The following FCRLA variants were observed in gnomAD, a reference collection of about 807,000 sequenced individuals.
The protein encoded by FCRLA is Fc receptor like A.
A neutral mutation model predicts 28.4 loss-of-function variants in FCRLA; 26 were observed. That is an observed-to-expected ratio of 0.91 (90% CI 0.67 to 1.27). The LOEUF (loss-of-function observed/expected upper bound fraction) is 1.27. FCRLA is among the 50% of genes most tolerant of loss of function. The pLI, the probability that FCRLA is intolerant of heterozygous loss-of-function variation, is 0.00. For missense variants in FCRLA, 422 were observed against 433.1 expected (o/e 0.97, Z 0.23); for synonymous variants, 174 against 168.5 (o/e 1.03, Z -0.25).
At chr1:161,708,637 C>A (rs1051101517) in intron 1 of FCRLA, among the ~76,000 whole-genome samples, 1 of 152,166 alleles carries the variant, frequency 6.6e-6, no homozygotes, top group Non-Finnish European at 1.5e-5. Context: ...CAGACTCTTG[C>A]CTGTCTCTAA....
chr1:161,708,663 A>C (rs760863231), intron 1 of FCRLA, among the ~76,000 whole-genome samples: 11 of 152,036 alleles, frequency 7.2e-5, no homozygotes, highest in Non-Finnish European at 1.3e-4. Flanking sequence ...TGCTTATACC[A>C]CTATCTCTAC....
At chr1:161,711,570 C>G in intron 3 of FCRLA, 96 bp downstream of exon 3, 4 of 1,456,564 alleles carry the variant, frequency 2.7e-6, no homozygotes, top group Non-Finnish European at 3.7e-6. Context: ...GCAAGATCAT[C>G]AACAGACTAT....
At chr1:161,712,352 T>C (rs772368768) in intron 4 of FCRLA, 134 bp downstream of exon 4, 72 of 1,020,142 alleles carry the variant, frequency 7.1e-5, no homozygotes, top group Non-Finnish European at 1.0e-4. Context: ...GCAGGAACAA[T>C]GGGCCAGAAT....
At position 161,713,380 on chromosome 1, in the gene FCRLA, G is replaced by A. The variant is rs1443461224; in HGVS notation, c.1080G>A (p.Ter360=). 1 of 1,609,002 alleles carries A rather than the reference G, an allele frequency of 6.2e-7. No individual in the cohort carries two copies. The highest frequency in any genetic ancestry group is 8.5e-7 in the Non-Finnish European group (1 of 1,177,070). ...KPGTTKATAE[*] is the part of the protein sequence containing the mutation. ...GGACCACAAAGGCTACTGCTGAATA[G>A]AAGTAAACAGTTCATCCATGATCTC... Residue 360 remains the stop codon, a stop_retained_variant, in exon 5 of 5, where the codon TAG becomes TAA. Transcript: ENST00000236938.
chr1:161,711,779 A>G (rs964854141), intron 3 of FCRLA, 155 bp from the exon 4 acceptor site: 3 of 986,048 alleles, frequency 3.0e-6, no homozygotes, highest in Non-Finnish European at 4.5e-6. Context: ...GTCTACTTAC[A>G]GAAAGAACTT....
chr1:161,713,315 C>T lies in FCRLA; in HGVS notation c.1015C>T (p.Leu339Phe). Residue 339 changes from leucine to phenylalanine, a missense_variant, in exon 5 of 5, where the codon CTC (leucine) becomes TTC (phenylalanine). Leu to Phe is a conservative substitution (Grantham distance 22). Transcript: ENST00000236938. ...TGTGAGAGTCCTCCTCGGTCACCTG[C>T]TCATGGAGTTGAGGGAATTATCTGG... ...QDVRVLLGHL[L>F]MELRELSGHR... The T allele has an allele frequency of 6.2e-7, 1 of 1,614,242 alleles. No homozygotes were observed. Among genetic ancestry groups the T allele is most frequent in the Admixed American group, 1.7e-5 (1 of 60,028 alleles).
chr1:161,712,147 A>T lies in FCRLA; in HGVS notation c.713A>T (p.Tyr238Phe). ...PTASEDHSGS[Y>F]WCEAATEDNQ... The stretch of plus-strand genomic sequence containing the variant: ...GCTTCAGAAGATCACTCCGGGTCAT[A>T]CTGGTGTGAGGCAGCCACTGAGGAC... Residue 238 changes from tyrosine to phenylalanine, a missense_variant, in exon 4 of 5, where the codon TAC becomes TTC. Physicochemically the swap from Tyr to Phe is conservative, Grantham distance 22. Coordinates refer to ENST00000236938, the MANE Select transcript of FCRLA (RefSeq NM_032738.4). 1 of 1,614,204 alleles carries T rather than the reference A, an allele frequency of 6.2e-7. No homozygotes were observed. The highest frequency in any genetic ancestry group is 8.5e-7 in the Non-Finnish European group (1 of 1,180,032).
chr1:161,708,783 T>C lies in FCRLA; in HGVS notation c.79+1440T>C, dbSNP rs1395874326. Reference sequence around the variant, plus strand: ...TCTTTTCCAGGTAGCTTTTCTTGAATGCTTCTTTCTGCTCCAATGGCTGCT... The same window carrying C: ...TCTTTTCCAGGTAGCTTTTCTTGAACGCTTCTTTCTGCTCCAATGGCTGCT... On this transcript the variant is annotated intron_variant, in intron 1 of 4. Transcript: ENST00000236938. 3.3e-5 allele frequency among the ~76,000 whole-genome samples: 5 copies of C among 152,232 alleles called. No individual in the cohort carries two copies. The South Asian group carries it at 1.0e-3, about 32-fold the overall frequency.
intron 1 of FCRLA, 103 bp downstream of exon 1, chr1:161,707,446 A>C: frequency 1.5e-6 from 2 of 1,319,368 alleles, no homozygotes; most frequent in Non-Finnish European, 2.1e-6. Context: ...CCCTCCAAAG[A>C]AGCAGTATTC....
chr1:161,707,673 G>T (rs749103315), intron 1 of FCRLA, among the ~76,000 whole-genome samples: 1 of 152,156 alleles, frequency 6.6e-6, no homozygotes, highest in Admixed American at 6.5e-5. Context: ...GCTCCTCAAT[G>T]CTTGCAGCCT....
rs1036855354 is a variant in FCRLA at position 161,713,812 on chromosome 1, A to G, written c.*432A>G. 1 of 160,614 alleles carries G rather than the reference A, an allele frequency of 6.2e-6. No homozygotes were observed. The highest frequency in any genetic ancestry group is 1.4e-5 in the Non-Finnish European group (1 of 73,794). 9.9% of individuals were successfully genotyped at this position (160,614 alleles called of 1,614,324 possible). On this transcript the variant is annotated 3_prime_UTR_variant, in exon 5 of 5. Transcript: ENST00000236938. Reference sequence around the variant, plus strand: ...TACTGGCATCCAGTAAATAGAAGCCAGGGGTGCCGCTAAACATCCTATAAT... The same window carrying G: ...TACTGGCATCCAGTAAATAGAAGCCGGGGGTGCCGCTAAACATCCTATAAT...
In FCRLA at chr1:161,714,294, G is replaced by C. The variant is rs535296003; in HGVS notation, c.*914G>C. 1 of 152,404 alleles carries C rather than the reference G, an allele frequency of 6.6e-6. No individual in the cohort carries two copies. The highest frequency in any genetic ancestry group is 6.5e-5 in the Admixed American group (1 of 15,298). 9.4% of individuals were successfully genotyped at this position (152,404 alleles called of 1,614,324 possible). A position where few individuals can be genotyped will look rare whatever the true frequency, so the allele number is the denominator to read the frequency against. On this transcript the variant is annotated 3_prime_UTR_variant, in exon 5 of 5. Transcript: ENST00000236938. ...CAAACACCGACTCTGTCGTTGCCTT[G>C]ATCTTGAACTTCCAGCCTCCAGAAC...
Position 161,710,821 on chromosome 1 carries a change from C to T in FCRLA, c.141C>T (p.His47=), listed in dbSNP as rs1683059659. ...TCTGCACTGAGGAGAGCAGCTGCCA[C>T]ACGGAGGATGACTTGACTGATGCAA... The part of the protein sequence containing the change: ...GPVCTEESSC[H]TEDDLTDARE... Residue 47 remains histidine (H), a synonymous_variant, in exon 2 of 5, where the codon CAC becomes CAT. Coordinates refer to ENST00000236938, the MANE Select transcript of FCRLA (RefSeq NM_032738.4). The T allele has an allele frequency of 6.2e-7, 1 of 1,614,110 alleles. No individual in the cohort carries two copies. Among genetic ancestry groups the T allele is most frequent in the Non-Finnish European group, 8.5e-7 (1 of 1,180,028 alleles).
intron 3 of FCRLA, 137 bp from the exon 4 acceptor site, chr1:161,711,797 T>A: frequency 2.7e-6 from 3 of 1,097,080 alleles, no homozygotes; most frequent in Non-Finnish European, 3.9e-6. Context: ...CTTGACAGAT[T>A]CAAATGGAAT....
Position 161,711,925 on chromosome 1 carries a change from T to C in FCRLA, c.500-9T>C. On this transcript the variant is annotated splice_polypyrimidine_tract_variant and intron_variant, in intron 3 of 4. Transcript: ENST00000236938. ...CTGAGCTCTTCTTTCCTGCCTATCT[T>C]TTTCCCAGAACTGTTTCCAGCGCCA... is the stretch of plus-strand genomic sequence containing the variant. The C allele has an allele frequency of 6.3e-7, 1 of 1,599,476 alleles. No homozygotes were observed. Among genetic ancestry groups the C allele is most frequent in the East Asian group, 2.2e-5 (1 of 44,690 alleles).
chr1:161,712,975 C>T, intron 4 of FCRLA, 110 bp from the exon 5 acceptor site: 1 of 1,255,484 alleles, frequency 8.0e-7, no homozygotes, highest in Non-Finnish European at 1.1e-6. Context: ...TCCCTGCTGC[C>T]ATTGGGCCCC....
At chr1:161,709,482 A>C (rs1682992335) in intron 1 of FCRLA, among the ~76,000 whole-genome samples, 1 of 152,166 alleles carries the variant, frequency 6.6e-6, no homozygotes, top group Non-Finnish European at 1.5e-5. Context: ...AGCACAGATG[A>C]GTGACAGTGG....
intron 1 of FCRLA, among the ~76,000 whole-genome samples, chr1:161,708,759 C>T (rs1023940996): frequency 2.0e-5 from 3 of 152,202 alleles, no homozygotes; most frequent in Non-Finnish European, 2.9e-5. Context: ...TAAATGGTAT[C>T]TTTTCCAGGT....
Position 161,714,200 on chromosome 1 carries a change from C to T in FCRLA, c.*820C>T, listed in dbSNP as rs1036760534. ...ATTTAAAAAGGCCCCAGAGAGCTAA[C>T]TCACCCTTCCACCATATGAGGACGT... On this transcript the variant is annotated 3_prime_UTR_variant, in exon 5 of 5. Transcript: ENST00000236938. 18 of 152,222 alleles carry T rather than the reference C, an allele frequency of 1.2e-4. No homozygotes were observed. The highest frequency in any genetic ancestry group is 3.6e-4 in the African/African-American group (15 of 41,442). 9.4% of individuals were successfully genotyped at this position (152,222 alleles called of 1,614,324 possible).
Sources: gnomAD v4.1 joint callset for allele counts (sites outside exome capture counted in the v4.1 genomes callset) on GRCh38, gnomAD v4.1.1 for gene constraint, MANE v1.5 for transcripts, NCBI Gene and HGNC (gene_info 2026-07-23, HGNC 2026-07-21) for gene names.